The following PIGF variants were observed in gnomAD, a reference collection of about 807,000 sequenced individuals.
The protein encoded by PIGF is phosphatidylinositol glycan anchor biosynthesis class F, also known as GPI ethanolamine phosphate transferase, stabilizing subunit.
PIGF carries 23 observed loss-of-function variants against 26.0 expected under a neutral mutation model. The ratio of observed to expected loss-of-function variants is 0.88; its 90% CI spans 0.64 to 1.25. The LOEUF is 1.25. Ranked by LOEUF, PIGF falls within the 50% of genes most tolerant of loss-of-function variation. The pLI is 0.00. For synonymous variants in PIGF, 93 were observed against 92.6 expected, an observed-to-expected ratio of 1.00 and a Z score of -0.03; for missense variants, 278 against 249.9, an observed-to-expected ratio of 1.11 and a Z score of -0.76.
intron 4 of PIGF, among the ~76,000 whole-genome samples, chr2:46,594,693 A>G (rs1040194880): frequency 6.6e-6 from 1 of 151,754 alleles, no homozygotes; most frequent in Admixed American, 6.6e-5. Flanking sequence ...GTGCCATCAC[A>G]CCAGGCTAAT....
chr2:46,584,761 C>G (rs1239460196), intron 5 of PIGF, among the ~76,000 whole-genome samples: 1 of 151,856 alleles, frequency 6.6e-6, no homozygotes, highest in African/African-American at 2.4e-5. Context: ...TAATCGTAAC[C>G]CTGTCATTTT....
At chr2:46,613,919 C>A in intron 2 of PIGF, 134 bp from the exon 3 acceptor site, 1 of 726,550 alleles carries the variant, frequency 1.4e-6, no homozygotes, top group Non-Finnish European at 2.3e-6. Context: ...ATACTCAAAT[C>A]AGATCACATG....
In PIGF at chr2:46,612,318, G is replaced by A. The variant is rs367591899; in HGVS notation, c.347C>T (p.Ala116Val). ...AGTAGTAAAAGTAGACAAAATAACT[G>A]CAAATAAAAATGTTTCCAATGCCAA... ...IELALETFLF[A>V]VILSTFTTVP... Residue 116 changes from alanine (A) to valine (V), a missense_variant, in exon 4 of 6, where the codon GCA becomes GTA. Ala to Val is a moderately conservative substitution (Grantham distance 64). Transcript: ENST00000281382. 4.6e-5 allele frequency: 66 copies of A among 1,445,168 alleles called. No homozygotes were observed. In the African/African-American group the frequency reaches 8.1e-4, roughly 18 times the overall value. 89.5% of individuals were successfully genotyped at this position (1,445,168 alleles called of 1,614,324 possible).
At chr2:46,581,712 G>A (rs1382019173) in intron 5 of PIGF, 121 bp from the exon 6 acceptor site, 4 of 1,386,792 alleles carry the variant, frequency 2.9e-6, no homozygotes, top group East Asian at 2.7e-5. Flanking sequence ...TGCCAAAAGT[G>A]TAATAAGGTC....
intron 5 of PIGF, among the ~76,000 whole-genome samples, chr2:46,590,345 G>A (rs1669689324): frequency 6.6e-6 from 1 of 152,052 alleles, no homozygotes; most frequent in Non-Finnish European, 1.5e-5. Flanking sequence ...CAAAATGGGT[G>A]ACTGAACTGT....
chr2:46,601,491 G>T (rs2104107063), intron 4 of PIGF, among the ~76,000 whole-genome samples: 1 of 152,170 alleles, frequency 6.6e-6, no homozygotes, highest in Middle Eastern at 3.4e-3. Context: ...AATAGTGTTT[G>T]TTTAAATAGA....
Position 46,612,371 on chromosome 2 carries a change from A to T in PIGF, c.321-27T>A, listed in dbSNP as rs770433101. On this transcript the variant is annotated intron_variant, in intron 3 of 5. Coordinates refer to ENST00000281382, the MANE Select transcript of PIGF (RefSeq NM_002643.4). ...TAGAAAAAAAAAAAGATTACTTTTT[A>T]AAAAAGTGTTAAAGGTAAACATACA... 17 of 870,196 alleles carry T rather than the reference A, an allele frequency of 2.0e-5. No homozygotes were observed. The Admixed American group carries it at 2.0e-4, about 10-fold the overall frequency. The allele number at this position is 870,196 out of a possible 1,614,324, so 53.9% of individuals were successfully genotyped here.
In PIGF at chr2:46,613,685, C is replaced by G; in HGVS notation, c.320+9G>C. 6.7e-7 allele frequency: 1 copy of G among 1,502,460 alleles called. No individual in the cohort carries two copies. Among genetic ancestry groups the G allele is most frequent in the Non-Finnish European group, 9.0e-7 (1 of 1,114,942 alleles). 93.1% of individuals were successfully genotyped at this position (1,502,460 alleles called of 1,614,324 possible). ...AAATATAAATTTAGGGTAAAAATTT[C>G]AAACTTACTCTATCAGTGGTGCTCC... On this transcript the variant is annotated intron_variant, in intron 3 of 5. Coordinates refer to ENST00000281382, the MANE Select transcript of PIGF (RefSeq NM_002643.4).
Position 46,615,407 on chromosome 2 carries a change from A to G in PIGF, c.-21-222T>C, listed in dbSNP as rs1354380181. Reference sequence around the variant, plus strand: ...TACAAACATCTCTCAGAGCCTAAAAAGAACAAATTTACTAATTTCTTAAAT... The same window carrying G: ...TACAAACATCTCTCAGAGCCTAAAAGGAACAAATTTACTAATTTCTTAAAT... On this transcript the variant is annotated intron_variant, in intron 1 of 5. Coordinates refer to ENST00000281382, the MANE Select transcript of PIGF (RefSeq NM_002643.4). 8 of 343,036 alleles carry G rather than the reference A, an allele frequency of 2.3e-5. No individual in the cohort carries two copies. In the Admixed American group the frequency reaches 2.8e-4, roughly 12 times the overall value. The allele number at this position is 343,036 out of a possible 1,614,324, so 21.2% of individuals were successfully genotyped here. A position where few individuals can be genotyped will look rare whatever the true frequency, so the allele number is the denominator to read the frequency against.
chr2:46,596,003 A>T (rs1169171633), intron 4 of PIGF, among the ~76,000 whole-genome samples: 1 of 152,122 alleles, frequency 6.6e-6, no homozygotes, highest in Non-Finnish European at 1.5e-5. Context: ...TCACAAGGTC[A>T]GGAGTTCGAG....
chr2:46,596,274 G>A (rs1053764390), intron 4 of PIGF, among the ~76,000 whole-genome samples: 1 of 150,488 alleles, frequency 6.6e-6, no homozygotes, highest in Non-Finnish European at 1.5e-5. Flanking sequence ...TAAGTTCCTT[G>A]GGCTAAGAGG....
Position 46,588,688 on chromosome 2 carries a change from T to C in PIGF, c.546+3787A>G, listed in dbSNP as rs1407637861. ...AACCTTCCACTAATTTTTTATAACA[T>C]GAAATACTAGCCATGTTTTGACAAG... is the stretch of plus-strand genomic sequence containing the variant. On this transcript the variant is annotated intron_variant, in intron 5 of 5. Transcript: ENST00000281382. The surrounding 1 kb of genome is among the most constrained non-coding windows in gnomAD (Gnocchi z 4.1). The C allele has an allele frequency of 6.6e-6, 1 of 152,228 alleles. No individual in the cohort carries two copies. Among genetic ancestry groups the C allele is most frequent in the Non-Finnish European group, 1.5e-5 (1 of 68,046 alleles). 9.4% of individuals were successfully genotyped at this position (152,228 alleles called of 1,614,324 possible). A position where few individuals can be genotyped will look rare whatever the true frequency, so the allele number is the denominator to read the frequency against.
intron 3 of PIGF, among the ~76,000 whole-genome samples, chr2:46,612,849 T>C (rs758619946): frequency 6.6e-5 from 10 of 152,116 alleles, no homozygotes; most frequent in Non-Finnish European, 8.8e-5. Flanking sequence ...GAAGCTTGAG[T>C]ATTTGCATTT....
intron 5 of PIGF, among the ~76,000 whole-genome samples, chr2:46,584,728 G>A (rs1005554472): frequency 3.3e-5 from 5 of 152,030 alleles, no homozygotes; most frequent in Non-Finnish European, 7.4e-5. Flanking sequence ...TACCTCCTTG[G>A]CTTTCCTGAA....
chr2:46,603,090 A>T (rs1306906116), intron 4 of PIGF, among the ~76,000 whole-genome samples: 1 of 152,018 alleles, frequency 6.6e-6, no homozygotes, highest in African/African-American at 2.4e-5. Context: ...AAAAAGAAAT[A>T]AAAAAGTAAT....
At chr2:46,597,585 T>C (rs1055866555) in intron 4 of PIGF, among the ~76,000 whole-genome samples, 1 of 152,182 alleles carries the variant, frequency 6.6e-6, no homozygotes, top group African/African-American at 2.4e-5. Context: ...GCTATTTTTG[T>C]ATTTTTAGTA....
chr2:46,587,780 C>T (rs548115183), intron 5 of PIGF, among the ~76,000 whole-genome samples: 9 of 152,140 alleles, frequency 5.9e-5, no homozygotes, highest in South Asian at 2.1e-4. Flanking sequence ...AAATAAATTA[C>T]GGCCTAAAAT....
rs1669677698 is a variant in PIGF at position 46,589,895 on chromosome 2, T to C, written c.546+2580A>G. ...AAAGTGAAAAAAAAACCTCATTTCT[T>C]TAGTTTATTAGTAAATAACTGCTAA... On this transcript the variant is annotated intron_variant, in intron 5 of 5. Transcript: ENST00000281382. The surrounding 1 kb of genome is among the most constrained non-coding windows in gnomAD (Gnocchi z 4.7). 6.6e-6 allele frequency among the ~76,000 whole-genome samples: 1 copy of C among 152,094 alleles called. No homozygotes were observed.
In PIGF at chr2:46,615,045, G is replaced by A. The variant is rs1261793519; in HGVS notation, c.120C>T (p.His40=). Reference sequence around the variant, plus strand: ...CAGAACAGATGCACAACCATGTCAAGTGTGTTTCCAATATTGAGAAGTTCT... The same window carrying A: ...CAGAACAGATGCACAACCATGTCAAATGTGTTTCCAATATTGAGAAGTTCT... ...FLENFSILET[H]LTWLCICSGF... The change falls in exon 2 of 6, where the codon CAC becomes CAT. Residue 40 remains histidine, a synonymous_variant. Transcript: ENST00000281382. 6 of 1,603,160 alleles carry A rather than the reference G, an allele frequency of 3.7e-6. No homozygotes were observed. The East Asian group carries it at 1.3e-4, about 36-fold the overall frequency.
Sources: allele counts gnomAD v4.1 joint callset (sites outside exome capture counted in the v4.1 genomes callset), GRCh38; gene constraint gnomAD v4.1.1; non-coding constraint Gnocchi (gnomAD v3.1); transcripts MANE v1.5; gene names NCBI Gene and HGNC (gene_info 2026-07-23, HGNC 2026-07-21).